Variants in PPARGC1A observed in about 807,000 individuals in gnomAD.
PPARGC1A encodes peroxisome proliferator-activated receptor gamma coactivator 1-alpha.
A neutral mutation model predicts 88.7 loss-of-function variants in PPARGC1A; 25 were observed. The ratio of observed to expected loss-of-function variants is 0.28; its 90% CI spans 0.21 to 0.39. The LOEUF (loss-of-function observed/expected upper bound fraction) is 0.39. Among genes scored for constraint, PPARGC1A ranks in the 10% least tolerant of loss-of-function variants. The pLI is 1.00. For synonymous variants in PPARGC1A, 363 were observed against 355.6 expected (o/e 1.02, Z -0.24); for missense variants, 880 against 968.7 (o/e 0.91, Z 1.22).
chr4:24,415,171 C>T, the PPARGC1A span, among the ~76,000 whole-genome samples: 1 of 149,200 alleles, frequency 6.7e-6, no homozygotes, highest in Non-Finnish European at 1.5e-5. Flanking sequence ...GCCTGGGTGA[C>T]AGAGTGAGAC....
At chr4:24,374,696 C>T in the PPARGC1A span, among the ~76,000 whole-genome samples, 46 of 152,242 alleles carry the variant, frequency 3.0e-4, no homozygotes, top group African/African-American at 1.1e-3. Flanking sequence ...CGAGATGCCA[C>T]TTCACACCCA....
chr4:23,947,397 A>G, the PPARGC1A span, among the ~76,000 whole-genome samples: 7 of 12,352 alleles, frequency 5.7e-4, no homozygotes, highest in African/African-American at 1.6e-3. Flanking sequence ...ATATATATAT[A>G]AAAAAAACGG....
the PPARGC1A span, among the ~76,000 whole-genome samples, chr4:24,191,124 G>C: frequency 3.3e-4 from 50 of 152,264 alleles, no homozygotes; most frequent in Non-Finnish European, 6.2e-4. Flanking sequence ...CATTAACAAG[G>C]CATGAAAAAG....
the PPARGC1A span, among the ~76,000 whole-genome samples, chr4:24,002,931 T>G: frequency 6.6e-6 from 1 of 152,174 alleles, no homozygotes; most frequent in South Asian, 2.1e-4. Flanking sequence ...ATCTTGAATT[T>G]TTTCCAAAGA....
At chr4:24,228,848 T>C in the PPARGC1A span, among the ~76,000 whole-genome samples, 2 of 152,282 alleles carry the variant, frequency 1.3e-5, no homozygotes, top group East Asian at 3.9e-4. Context: ...TCAGCCAAAG[T>C]CCATCTTTTT....
chr4:24,188,983 GAC>G, the PPARGC1A span, among the ~76,000 whole-genome samples: 1 of 152,110 alleles, frequency 6.6e-6, no homozygotes, highest in Non-Finnish European at 1.5e-5. Flanking sequence ...AGGAAATGCT[GAC>G]ACACGCTACA....
chr4:24,181,825 C>G, the PPARGC1A span, among the ~76,000 whole-genome samples: 1 of 152,044 alleles, frequency 6.6e-6, no homozygotes, highest in Admixed American at 6.6e-5. Context: ...CTAAGTTGGC[C>G]AGTAGCTAAT....
the PPARGC1A span, among the ~76,000 whole-genome samples, chr4:24,361,338 C>A: frequency 6.6e-6 from 1 of 152,160 alleles, no homozygotes; most frequent in Non-Finnish European, 1.5e-5. Flanking sequence ...TACAACTCCC[C>A]AATTTACCTC....
chr4:24,121,412 T>G, the PPARGC1A span, among the ~76,000 whole-genome samples: 1 of 152,138 alleles, frequency 6.6e-6, no homozygotes, highest in Non-Finnish European at 1.5e-5. Context: ...TTGCTCCTCC[T>G]CCTCATTGCA....
At chr4:24,327,982 A>G in the PPARGC1A span, among the ~76,000 whole-genome samples, 3 of 152,122 alleles carry the variant, frequency 2.0e-5, no homozygotes, top group Non-Finnish European at 4.4e-5. Context: ...CTCCTGGCTC[A>G]GAAGCTCCCC....
the PPARGC1A span, among the ~76,000 whole-genome samples, chr4:24,260,393 G>A: frequency 6.6e-6 from 1 of 152,104 alleles, no homozygotes; most frequent in South Asian, 2.1e-4. Context: ...ACTCCACTTG[G>A]GTCTCTAAAC....
chr4:23,837,086 G>C (rs1286796727), intron 2 of PPARGC1A, among the ~76,000 whole-genome samples: 1 of 152,120 alleles, frequency 6.6e-6, no homozygotes, highest in Non-Finnish European at 1.5e-5. Context: ...CTTGATCTCT[G>C]TTTGATAAAA....
the PPARGC1A span, among the ~76,000 whole-genome samples, chr4:23,913,265 TATAGAGAGAGAGAGAGAGAGAGAG>T: frequency 1.5e-3 from 89 of 58,770 alleles, no homozygotes; most frequent in African/African-American, 7.6e-3. Flanking sequence ...TATATATATA[TATAGAGAGAGAGAGAGAGAGAGAG>T]AGAGAGAGAG....
At chr4:24,466,886 CAA>C in the PPARGC1A span, among the ~76,000 whole-genome samples, 8 of 68,278 alleles carry the variant, frequency 1.2e-4, no homozygotes, top group Admixed American at 2.0e-4. Flanking sequence ...TGCACACCAG[CAA>C]AAAAAAAAAA....
At chr4:24,207,691 T>C in the PPARGC1A span, among the ~76,000 whole-genome samples, 1 of 152,236 alleles carries the variant, frequency 6.6e-6, no homozygotes, top group South Asian at 2.1e-4. Flanking sequence ...ACGTTTTTGA[T>C]GTCTTCCCAA....
At chr4:23,902,724 C>T (rs1032545411), upstream of PPARGC1A, among the ~76,000 whole-genome samples, 3 of 151,996 alleles carry the variant, frequency 2.0e-5, no homozygotes, top group Non-Finnish European at 4.4e-5. Flanking sequence ...AGACTAGAAG[C>T]ATTTTTCAGA....
chr4:24,387,931 AAAGAGAAAGAAAGAAAG>A, the PPARGC1A span, among the ~76,000 whole-genome samples: 3 of 20,072 alleles, frequency 1.5e-4, no homozygotes, highest in South Asian at 2.8e-3. Flanking sequence ...AGAAAGAAAG[AAAGAGAAAGAAAGAAAG>A]AAAGAAAGAA....
At chr4:24,412,302 C>T in the PPARGC1A span, among the ~76,000 whole-genome samples, 1 of 152,094 alleles carries the variant, frequency 6.6e-6, no homozygotes, top group East Asian at 1.9e-4. Context: ...CAGAGGTCAG[C>T]AAACTCCTAC....
chr4:24,311,744 T>A, the PPARGC1A span, among the ~76,000 whole-genome samples: 1 of 152,016 alleles, frequency 6.6e-6, no homozygotes, highest in South Asian at 2.1e-4. Context: ...GATCAATACA[T>A]GTTATGCAAA....
Sources: allele counts gnomAD v4.1 joint callset (sites outside exome capture counted in the v4.1 genomes callset), GRCh38; gene constraint gnomAD v4.1.1; transcripts MANE v1.5; gene names NCBI Gene and HGNC (gene_info 2026-07-23, HGNC 2026-07-21).